Variants in KCNH8 observed in about 807,000 individuals in gnomAD.
KCNH8 encodes the protein voltage-gated delayed rectifier potassium channel KCNH8.
Under a neutral mutation model 103.6 loss-of-function variants are expected in KCNH8, and 70 were observed. The ratio of observed to expected loss-of-function variants is 0.68; its 90% CI spans 0.56 to 0.82. The LOEUF (loss-of-function observed/expected upper bound fraction) is 0.82. KCNH8 is among the 40% of genes least tolerant of loss of function. The pLI is 0.00. For synonymous variants in KCNH8, 498 were observed against 489.4 expected (o/e 1.02, Z -0.23); for missense variants, 1,217 against 1,329.9 (o/e 0.92, Z 1.32).
intron 3 of KCNH8, among the ~76,000 whole-genome samples, chr3:19,318,536 A>G (rs1168818791): frequency 6.6e-6 from 1 of 151,588 alleles, no homozygotes; most frequent in East Asian, 1.9e-4. Flanking sequence ...TTAGTTTTCC[A>G]TTCCTGAGTT....
intron 1 of KCNH8, among the ~76,000 whole-genome samples, chr3:19,187,845 A>T (rs536713561): frequency 1.3e-5 from 2 of 152,066 alleles, no homozygotes; most frequent in Non-Finnish European, 2.9e-5. Flanking sequence ...ATCAGCCCTC[A>T]TCTACTTGTT....
At chr3:19,481,156 CTTCA>C (rs1290530108) in intron 11 of KCNH8, among the ~76,000 whole-genome samples, 1 of 152,054 alleles carries the variant, frequency 6.6e-6, no homozygotes, top group Non-Finnish European at 1.5e-5. Flanking sequence ...TCTCTCAAGA[CTTCA>C]TTGATTTTGT....
chr3:19,501,308 C>T (rs1037383881), intron 11 of KCNH8, among the ~76,000 whole-genome samples: 1 of 152,082 alleles, frequency 6.6e-6, no homozygotes, highest in Non-Finnish European at 1.5e-5. Context: ...GAAAAAGAGT[C>T]CAGACCAGAT....
Position 19,515,317 on chromosome 3 carries a change from A to G in KCNH8, c.2436-5A>G. 3 of 1,549,720 alleles carry G rather than the reference A, an allele frequency of 1.9e-6. No homozygotes were observed. The highest frequency in any genetic ancestry group is 2.6e-6 in the Non-Finnish European group (3 of 1,134,922). ...CAGCCAGCCAATTTCCTTTATTTTAAGTAGGATTGTTGATGGAATTGAAGA... is the reference window on the plus strand; with the variant it reads ...CAGCCAGCCAATTTCCTTTATTTTAGGTAGGATTGTTGATGGAATTGAAGA... On this transcript the variant is annotated splice_region_variant and splice_polypyrimidine_tract_variant and intron_variant, in intron 13 of 15. Coordinates refer to ENST00000328405, the MANE Select transcript of KCNH8 (RefSeq NM_144633.3).
In KCNH8 at chr3:19,419,194, G is replaced by GTTTTTTTTTTTTTTTTTTTTTT. The variant is rs1491504046; in HGVS notation, c.1178-18970_1178-18969insTTTTTTTTTTTTTTTTTTTTTT. On this transcript the variant is annotated intron_variant, in intron 7 of 15. Transcript: ENST00000328405. ...AAAAAGAAGTAATTAAAATGGTTTTGGTTTTTTTTTTTTTTTTTTTTTTGA... is the reference window on the plus strand; with the variant it reads ...AAAAAGAAGTAATTAAAATGGTTTTGTTTTTTTTTTTTTTTTTTTTTTGTTTTTTTTTTTTTTTTTTTTTTGA... Among the ~76,000 whole-genome samples the GTTTTTTTTTTTTTTTTTTTTTT allele has an allele frequency of 1.9e-4, 12 of 64,118 alleles. 6 individuals are homozygous for GTTTTTTTTTTTTTTTTTTTTTT. The highest frequency in any genetic ancestry group is 2.8e-4 in the African/African-American group (4 of 14,056). 42.1% of individuals were successfully genotyped at this position (64,118 alleles called of 152,430 possible).
intron 2 of KCNH8, among the ~76,000 whole-genome samples, chr3:19,278,827 G>A (rs1055005384): frequency 1.3e-5 from 2 of 152,102 alleles, no homozygotes; most frequent in African/African-American, 2.4e-5. Flanking sequence ...GTGAAATGAT[G>A]GCTGTGCCTC....
At chr3:19,158,010 T>C (rs1251674774) in intron 1 of KCNH8, among the ~76,000 whole-genome samples, 1 of 151,564 alleles carries the variant, frequency 6.6e-6, no homozygotes, top group Admixed American at 6.6e-5. Context: ...ATTACTATTA[T>C]TATTATTTCT....
chr3:19,220,000 T>A (rs1353267250), intron 1 of KCNH8, among the ~76,000 whole-genome samples: 1 of 152,332 alleles, frequency 6.6e-6, no homozygotes, highest in South Asian at 2.1e-4. Context: ...AGACGTTACA[T>A]CTACTTGCCT....
intron 3 of KCNH8, among the ~76,000 whole-genome samples, chr3:19,283,354 G>A (rs543794457): frequency 6.6e-6 from 1 of 152,002 alleles, no homozygotes; most frequent in Admixed American, 6.6e-5. Context: ...TTTGCTTAGG[G>A]AACATGTACA....
At chr3:19,483,208 C>T (rs1249052674) in intron 11 of KCNH8, among the ~76,000 whole-genome samples, 1 of 152,132 alleles carries the variant, frequency 6.6e-6, no homozygotes, top group Non-Finnish European at 1.5e-5. Context: ...TCTATGCCCA[C>T]ATATCCAGTA....
chr3:19,445,156 CTA>C (rs1157745023), intron 8 of KCNH8, among the ~76,000 whole-genome samples: 7 of 151,960 alleles, frequency 4.6e-5, no homozygotes, highest in Non-Finnish European at 2.9e-5. Context: ...AAATGAACTA[CTA>C]TGTCATGGAA....
chr3:19,509,589 T>A (rs554383433), intron 11 of KCNH8, among the ~76,000 whole-genome samples: 1 of 152,204 alleles, frequency 6.6e-6, no homozygotes, highest in African/African-American at 2.4e-5. Context: ...ACAAAATGTG[T>A]CCTGAGATTC....
chr3:19,217,107 C>A (rs74847378), intron 1 of KCNH8, among the ~76,000 whole-genome samples: 1 of 152,186 alleles, frequency 6.6e-6, no homozygotes, highest in Non-Finnish European at 1.5e-5. Flanking sequence ...GAAGTCTGAG[C>A]GCAGTCCCTT....
At position 19,534,333 on chromosome 3, in the gene KCNH8, T is replaced by C; in HGVS notation, c.*234T>C. The C allele has an allele frequency of 7.7e-6, 4 of 521,924 alleles. No individual in the cohort carries two copies. Among genetic ancestry groups the C allele is most frequent in the Non-Finnish European group, 1.3e-5 (4 of 296,690 alleles). 32.3% of individuals were successfully genotyped at this position (521,924 alleles called of 1,614,324 possible). ...TACAGGTATTAAACTACTGGTCTGT[T>C]TGACAGACTTTGGTAACAATCCAAA... is the stretch of plus-strand genomic sequence containing the variant. On this transcript the variant is annotated 3_prime_UTR_variant, in exon 16 of 16. Coordinates refer to ENST00000328405, the MANE Select transcript of KCNH8 (RefSeq NM_144633.3).
chr3:19,388,044 C>T (rs886459747), intron 5 of KCNH8, among the ~76,000 whole-genome samples: 1 of 151,856 alleles, frequency 6.6e-6, no homozygotes, highest in Non-Finnish European at 1.5e-5. Flanking sequence ...AGGTCATTCA[C>T]TTCATTCATT....
intron 1 of KCNH8, among the ~76,000 whole-genome samples, chr3:19,166,552 G>A (rs1575408018): frequency 6.6e-6 from 1 of 152,092 alleles, no homozygotes; most frequent in East Asian, 1.9e-4. Context: ...TGTGTTGGAT[G>A]ATTGAATTTG....
intron 7 of KCNH8, among the ~76,000 whole-genome samples, chr3:19,412,734 C>T (rs929016856): frequency 6.6e-6 from 1 of 151,926 alleles, no homozygotes; most frequent in African/African-American, 2.4e-5. Context: ...TGAATAGGCA[C>T]TTGTGAAGAG....
chr3:19,231,833 G>A (rs2063998138), intron 1 of KCNH8, among the ~76,000 whole-genome samples: 1 of 152,180 alleles, frequency 6.6e-6, no homozygotes, highest in South Asian at 2.1e-4. Flanking sequence ...TTTCATCAAA[G>A]GAGCTTGTCT....
Position 19,386,248 on chromosome 3 carries a change from T to G in KCNH8, c.812-4233T>G, listed in dbSNP as rs542091980. On this transcript the variant is annotated intron_variant, in intron 5 of 15. Transcript: ENST00000328405. ...TATGTACACATTTTTCTCTTGATTATTTGTCTTTTATTAATCATTCTATGT... is the reference window on the plus strand; with the variant it reads ...TATGTACACATTTTTCTCTTGATTAGTTGTCTTTTATTAATCATTCTATGT... Among the ~76,000 whole-genome samples, 6 of 152,276 alleles carry G rather than the reference T, an allele frequency of 3.9e-5. No individual in the cohort carries two copies. The East Asian group carries it at 1.2e-3, about 29-fold the overall frequency.
Sources: allele counts gnomAD v4.1 joint callset (sites outside exome capture counted in the v4.1 genomes callset), GRCh38; gene constraint gnomAD v4.1.1; transcripts MANE v1.5; gene names NCBI Gene and HGNC (gene_info 2026-07-23, HGNC 2026-07-21).